Variants in GPM6A observed in about 807,000 individuals in gnomAD.
GPM6A encodes the protein glycoprotein M6A, also known as neuronal membrane glycoprotein M6-a.
Under a neutral mutation model 32.1 loss-of-function variants are expected in GPM6A, and 7 were observed. That is an observed-to-expected ratio of 0.22 (90% CI 0.12 to 0.41). The LOEUF (loss-of-function observed/expected upper bound fraction) is 0.41, where lower values mean the gene tolerates loss of function less well. Ranked by LOEUF, GPM6A falls within the 10% of genes least tolerant of loss-of-function variation. The probability of loss-of-function intolerance (pLI) is 1.00; values close to 1 mark genes in which losing one functional copy is unlikely to be tolerated. For synonymous variants in GPM6A, 130 were observed against 123.4 expected, an observed-to-expected ratio of 1.05 and a Z score of -0.35; for missense variants, 235 against 347.2, an observed-to-expected ratio of 0.68 and a Z score of 2.57.
intron 1 of GPM6A, among the ~76,000 whole-genome samples, chr4:175,703,320 C>T (rs933756406): frequency 6.6e-5 from 10 of 151,760 alleles, no homozygotes; most frequent in African/African-American, 2.2e-4. Flanking sequence ...TACTGGCGCA[C>T]GTCACCACAC....
At chr4:175,780,255 C>T (rs757321775) in intron 1 of GPM6A, among the ~76,000 whole-genome samples, 3 of 152,058 alleles carry the variant, frequency 2.0e-5, no homozygotes, top group African/African-American at 7.2e-5. Context: ...TCCATATTGG[C>T]CAGGCTGGTC....
chr4:175,893,209 C>A (rs1737699183), intron 1 of GPM6A, among the ~76,000 whole-genome samples: 1 of 152,144 alleles, frequency 6.6e-6, no homozygotes. Flanking sequence ...TGCTATCCAG[C>A]TTCTTAAACT....
chr4:175,782,412 A>G (rs1220839115), intron 1 of GPM6A, among the ~76,000 whole-genome samples: 1 of 152,136 alleles, frequency 6.6e-6, no homozygotes, highest in Non-Finnish European at 1.5e-5. Flanking sequence ...TAAAATCTCA[A>G]CTGAAAGAAT....
At chr4:175,873,434 A>G (rs1275558538) in intron 1 of GPM6A, among the ~76,000 whole-genome samples, 1 of 152,132 alleles carries the variant, frequency 6.6e-6, no homozygotes, top group Non-Finnish European at 1.5e-5. Flanking sequence ...TTCACACTTT[A>G]AAAATATGTA....
chr4:175,734,972 AAGAC>A (rs1449793606), intron 1 of GPM6A, among the ~76,000 whole-genome samples: 1 of 152,222 alleles, frequency 6.6e-6, no homozygotes, highest in Admixed American at 6.5e-5. Context: ...GTTTTCCAAT[AAGAC>A]AATGAACAAT....
intron 1 of GPM6A, among the ~76,000 whole-genome samples, chr4:175,820,507 T>TTTC (rs1350391535): frequency 2.1e-5 from 3 of 143,786 alleles, no homozygotes; most frequent in Non-Finnish European, 4.6e-5. Context: ...TTTCTTTTTT[T>TTTC]TTTTTTTTTT....
At position 175,713,191 on chromosome 4, in the gene GPM6A, C is replaced by CTATTTTTATTTT. The variant is rs565653505; in HGVS notation, c.38-11436_38-11425dup. Reference sequence around the variant, plus strand: ...CCTTTAATGAATGACATGATAATCTCTATTTTTATTTTTATTTTTATTTTT... The same window carrying CTATTTTTATTTT: ...CCTTTAATGAATGACATGATAATCTCTATTTTTATTTTTATTTTTATTTTTATTTTTATTTTT... On this transcript the variant is annotated intron_variant, in intron 1 of 6. Transcript: ENST00000393658. Among the ~76,000 whole-genome samples the CTATTTTTATTTT allele has an allele frequency of 3.3e-3, 508 of 152,008 alleles. 4 individuals carry two copies. Among genetic ancestry groups the CTATTTTTATTTT allele is most frequent in the African/African-American group, 0.012 (489 of 41,392 alleles).
At chr4:175,860,079 C>A (rs977226557) in intron 1 of GPM6A, among the ~76,000 whole-genome samples, 9 of 151,506 alleles carry the variant, frequency 5.9e-5, no homozygotes, top group African/African-American at 1.5e-4. Flanking sequence ...ACTTTAAATT[C>A]ATATATTAAA....
chr4:175,738,498 C>T (rs1410505711), intron 1 of GPM6A, among the ~76,000 whole-genome samples: 3 of 151,788 alleles, frequency 2.0e-5, no homozygotes, highest in Non-Finnish European at 4.4e-5. Context: ...AATACAAACA[C>T]TAAATTGGCA....
chr4:175,784,677 A>G (rs748396456), intron 1 of GPM6A, among the ~76,000 whole-genome samples: 25 of 152,162 alleles, frequency 1.6e-4, no homozygotes, highest in Admixed American at 4.6e-4. Flanking sequence ...GATTATAGTC[A>G]ATATCATCAT....
Position 175,695,046 on chromosome 4 carries a change from T to C in GPM6A, c.230+6529A>G, listed in dbSNP as rs1744501134. Among the ~76,000 whole-genome samples the C allele has an allele frequency of 2.6e-5, 4 of 152,102 alleles. No individual in the cohort carries two copies. In the South Asian group the frequency reaches 8.3e-4, roughly 32 times the overall value. On this transcript the variant is annotated intron_variant, in intron 2 of 6. Coordinates refer to ENST00000393658, the MANE Select transcript of GPM6A (RefSeq NM_201591.3). ...AACCATAAGCCTTGGCAGCTTTCCT[T>C]GTAGTGTTAAGCCTGCAGGGGAGCA...
At chr4:175,998,891 A>G (rs34508445) in intron 1 of GPM6A, among the ~76,000 whole-genome samples, 22,847 of 62,416 alleles carry the variant, frequency 0.37, 1,855 homozygotes, top group East Asian at 0.42. Flanking sequence ...AAAACCTTCC[A>G]TGACACCCTA....
intron 1 of GPM6A, among the ~76,000 whole-genome samples, chr4:175,795,241 A>T (rs1268410291): frequency 6.6e-6 from 1 of 152,190 alleles, no homozygotes; most frequent in Non-Finnish European, 1.5e-5. Flanking sequence ...TTCAACAGTC[A>T]GTTGATAAAT....
At chr4:175,742,999 A>T (rs1268496814) in intron 1 of GPM6A, among the ~76,000 whole-genome samples, 1 of 152,112 alleles carries the variant, frequency 6.6e-6, no homozygotes, top group Non-Finnish European at 1.5e-5. Context: ...AGAAAAAATA[A>T]ATTAATAATA....
At chr4:175,747,093 A>G (rs2111179144) in intron 1 of GPM6A, among the ~76,000 whole-genome samples, 1 of 152,190 alleles carries the variant, frequency 6.6e-6, no homozygotes, top group Non-Finnish European at 1.5e-5. Flanking sequence ...AACATGGTGT[A>G]ACCCTGTCTC....
At chr4:175,726,092 A>G (rs1405925969) in intron 1 of GPM6A, among the ~76,000 whole-genome samples, 1 of 145,258 alleles carries the variant, frequency 6.9e-6, no homozygotes, top group Non-Finnish European at 1.5e-5. Flanking sequence ...TCCCAGGTTC[A>G]TGCCATTCTC....
intron 1 of GPM6A, among the ~76,000 whole-genome samples, chr4:175,926,323 T>C (rs1054045451): frequency 6.6e-6 from 1 of 152,180 alleles, no homozygotes; most frequent in Non-Finnish European, 1.5e-5. Flanking sequence ...AGGAATAGGC[T>C]AGAACAGAAA....
At chr4:175,839,207 C>T (rs1424467060) in intron 1 of GPM6A, among the ~76,000 whole-genome samples, 3 of 152,128 alleles carry the variant, frequency 2.0e-5, no homozygotes, top group African/African-American at 7.2e-5. Flanking sequence ...TCAAATTATA[C>T]ACTAGAATAA....
At chr4:175,884,386 C>T (rs1338241579) in intron 1 of GPM6A, among the ~76,000 whole-genome samples, 2 of 152,092 alleles carry the variant, frequency 1.3e-5, no homozygotes, top group Admixed American at 6.6e-5. Flanking sequence ...ATACAATTTC[C>T]TTTAGGAAAC....
Sources: gnomAD v4.1 joint callset for allele counts (sites outside exome capture counted in the v4.1 genomes callset) on GRCh38, gnomAD v4.1.1 for gene constraint, MANE v1.5 for transcripts, NCBI Gene and HGNC (gene_info 2026-07-23, HGNC 2026-07-21) for gene names.